The following PTCH2 variants were observed in gnomAD, a reference collection of about 807,000 sequenced individuals.
PTCH2 encodes the protein patched 2.
In PTCH2, 96 loss-of-function variants were observed where a neutral mutation model predicts 117.9. That is an observed-to-expected ratio of 0.81 (90% CI 0.69 to 0.96). The LOEUF is 0.96. Among genes scored for constraint, PTCH2 ranks in the 50% least tolerant of loss-of-function variants. PTCH2 has a pLI of 0.00. For synonymous variants in PTCH2, 615 were observed against 660.9 expected, an observed-to-expected ratio of 0.93 and a Z score of 1.06; for missense variants, 1,379 against 1,562.5, an observed-to-expected ratio of 0.88 and a Z score of 1.98.
At chr1:44,841,699 C>T in intron 2 of PTCH2, 148 bp downstream of exon 2, 4 of 773,112 alleles carry the variant, frequency 5.2e-6, no homozygotes, top group South Asian at 1.5e-5. Context: ...GAACGGTGTT[C>T]CTAGATGCCC....
chr1:44,837,426 G>T (rs943472062), intron 2 of PTCH2, among the ~76,000 whole-genome samples: 1 of 152,074 alleles, frequency 6.6e-6, no homozygotes, highest in Non-Finnish European at 1.5e-5. Flanking sequence ...GCCAAATTTT[G>T]TATTTTTAGT....
At chr1:44,839,361 C>CAAAAAAAAAAAAAAAAAAAA (rs57053705) in intron 2 of PTCH2, among the ~76,000 whole-genome samples, 1 of 75,634 alleles carries the variant, frequency 1.3e-5, no homozygotes, top group Non-Finnish European at 2.6e-5. Context: ...GACTTACTCT[C>CAAAAAAAAAAAAAAAAAAAA]AAAAAAAAAA....
At position 44,827,038 on chromosome 1, in the gene PTCH2, G is replaced by A. The variant is rs148265788; in HGVS notation, c.2559C>T (p.Pro853=). 297 of 1,614,110 alleles carry A rather than the reference G, an allele frequency of 1.8e-4. No homozygotes were observed. Among genetic ancestry groups the A allele is most frequent in the African/African-American group, 5.1e-4 (38 of 75,048 alleles). The change falls in exon 17 of 22, where the codon CCC becomes CCT. Residue 853 remains proline, a synonymous_variant. Transcript: ENST00000372192. ...KLVDREGLIP[P]ELFYMGLTVW... is the part of the protein sequence containing the mutation. Reference sequence around the variant, plus strand: ...CGGTCAGCCCCATGTAGAAGAGCTCGGGTGGAATCAGTCCCTCTCTGTCCA... The same window carrying A: ...CGGTCAGCCCCATGTAGAAGAGCTCAGGTGGAATCAGTCCCTCTCTGTCCA...
At chr1:44,832,500 C>T (rs772048960) in intron 2 of PTCH2, among the ~76,000 whole-genome samples, 159 bp from the exon 3 acceptor site, 34 of 152,198 alleles carry the variant, frequency 2.2e-4, no homozygotes, top group Non-Finnish European at 3.7e-4. Flanking sequence ...TGGCCCAGGC[C>T]GACTCCCCAG....
Position 44,842,135 on chromosome 1 carries a change from T to G in PTCH2, c.73-96A>C. The G allele has an allele frequency of 2.4e-6, 3 of 1,247,388 alleles. No homozygotes were observed. In the Admixed American group the frequency reaches 5.5e-5, roughly 23 times the overall value. The allele number at this position is 1,247,388 out of a possible 1,614,324, so 77.3% of individuals were successfully genotyped here. ...GTATATCTGCTGCCCAGCCCTCGCT[T>G]CTTGATTTCTGGATGTGGGACAGGG... On this transcript the variant is annotated intron_variant, in intron 1 of 21. Coordinates refer to ENST00000372192, the MANE Select transcript of PTCH2 (RefSeq NM_003738.5).
At chr1:44,841,002 C>T (rs1195064895) in intron 2 of PTCH2, among the ~76,000 whole-genome samples, 4 of 151,768 alleles carry the variant, frequency 2.6e-5, no homozygotes, top group Admixed American at 1.3e-4. Context: ...TCTAGGCTGT[C>T]TCTACTAAAA....
intron 2 of PTCH2, among the ~76,000 whole-genome samples, chr1:44,835,639 T>C (rs568014823): frequency 1.3e-5 from 2 of 152,328 alleles, no homozygotes; most frequent in African/African-American, 2.4e-5. Flanking sequence ...TAAAGGCCTA[T>C]ATACTATTGT....
Position 44,841,596 on chromosome 1 carries a change from TAA to T in PTCH2, c.265+249_265+250del, listed in dbSNP as rs1653949808. 2.6e-5 allele frequency among the ~76,000 whole-genome samples: 4 copies of T among 152,354 alleles called. No individual in the cohort carries two copies. The South Asian group carries it at 8.3e-4, about 32-fold the overall frequency. On this transcript the variant is annotated intron_variant, in intron 2 of 21. Coordinates refer to ENST00000372192, the MANE Select transcript of PTCH2 (RefSeq NM_003738.5). ...AAAGACACACATAGAAAGTTAGCAA[TAA>T]ATGCTAACGTACAAAATCACAGACA...
Position 44,826,292 on chromosome 1 carries a change from G to A in PTCH2, c.3072C>T (p.Ala1024=). 3.1e-6 allele frequency: 5 copies of A among 1,614,102 alleles called. No individual in the cohort carries two copies. Among genetic ancestry groups the A allele is most frequent in the Non-Finnish European group, 4.2e-6 (5 of 1,180,034 alleles). ...LSAIPVVILV[A]SVGIGVEFTV... is the part of the protein sequence containing the mutation. ...TGAACTCAACGCCAATGCCTACAGA[G>A]GCCACAAGGATCACCACGGGGATGG... Residue 1024 remains alanine, a synonymous_variant, in exon 19 of 22, where the codon GCC becomes GCT. Transcript: ENST00000372192. This position sits in a 1 kb window ranked among gnomAD's most constrained non-coding sequence, Gnocchi z 5.1.
At chr1:44,830,812 A>G (rs1306713636) in intron 6 of PTCH2, 36 bp downstream of exon 6, 2 of 1,507,248 alleles carry the variant, frequency 1.3e-6, no homozygotes, top group Non-Finnish European at 1.8e-6. Context: ...AGGGAAGGAA[A>G]ACAGCCTTTC....
chr1:44,834,455 C>G (rs988182606), intron 2 of PTCH2, among the ~76,000 whole-genome samples: 1 of 152,138 alleles, frequency 6.6e-6, no homozygotes, highest in African/African-American at 2.4e-5. Flanking sequence ...ACTCCCCACT[C>G]TTTTGCCAGG....
Position 44,831,699 on chromosome 1 carries a change from C to T in PTCH2, c.617+7G>A. 1.3e-6 allele frequency: 2 copies of T among 1,554,404 alleles called. No homozygotes were observed. The highest frequency in any genetic ancestry group is 3.3e-4 in the Middle Eastern group (2 of 5,996). On this transcript the variant is annotated splice_region_variant and intron_variant, in intron 5 of 21. Coordinates refer to ENST00000372192, the MANE Select transcript of PTCH2 (RefSeq NM_003738.5). The surrounding 1 kb of genome is among the most constrained non-coding windows in gnomAD (Gnocchi z 4.3). ...AGATGAAGCAGGGCCCCAGGAGTGG[C>T]ACTCACGGCAGGTAGGCGGAGCCCC...
Position 44,822,184 on chromosome 1 carries a change from G to A in PTCH2, c.*231C>T. On this transcript the variant is annotated 3_prime_UTR_variant, in exon 22 of 22. Transcript: ENST00000372192. The stretch of plus-strand genomic sequence containing the variant: ...GGACAGGGCTGCACTGCAGCCCCAA[G>A]TGCCAGCTTTCACTCTCAAGTGACA... 7.0e-7 allele frequency: 1 copy of A among 1,435,580 alleles called. No individual in the cohort carries two copies. The highest frequency in any genetic ancestry group is 9.1e-7 in the Non-Finnish European group (1 of 1,100,328). The allele number at this position is 1,435,580 out of a possible 1,614,324, so 88.9% of individuals were successfully genotyped here.
chr1:44,820,666 G>A (rs1231891204), downstream of PTCH2: 1 of 716,812 alleles, frequency 1.4e-6, no homozygotes, highest in Non-Finnish European at 2.6e-6. Context: ...CTGATGAGGG[G>A]GTGCTGGGGT....
At chr1:44,828,223 G>C in intron 13 of PTCH2, 32 bp from the exon 14 acceptor site, 11 of 1,612,986 alleles carry the variant, frequency 6.8e-6, no homozygotes, top group Non-Finnish European at 8.5e-6. Context: ...TGACAGGTCT[G>C]TGCCTTGAAA....
At position 44,822,380 on chromosome 1, in the gene PTCH2, G is replaced by A. The variant is rs200055458; in HGVS notation, c.*35C>T. The A allele has an allele frequency of 7.8e-5, 126 of 1,612,694 alleles. No homozygotes were observed. In the Admixed American group the frequency reaches 1.8e-3, roughly 23 times the overall value. ...CCAGTGCTTCCCAGTGACCCCACAC[G>A]CCCCACACATGGTCTCTGTGCTTCA... On this transcript the variant is annotated 3_prime_UTR_variant, in exon 22 of 22. Transcript: ENST00000372192.
chr1:44,824,458 A>G (rs1404137819), intron 19 of PTCH2, among the ~76,000 whole-genome samples: 1 of 150,584 alleles, frequency 6.6e-6, no homozygotes, highest in Non-Finnish European at 1.5e-5. Context: ...ATCTTTGTAG[A>G]ACCCCTCCAT....
In PTCH2 at chr1:44,831,426, C is replaced by T. The variant is rs1653441708; in HGVS notation, c.617+280G>A. On this transcript the variant is annotated intron_variant, in intron 5 of 21. Transcript: ENST00000372192. The surrounding 1 kb of genome is among the most constrained non-coding windows in gnomAD (Gnocchi z 4.3). Reference sequence around the variant, plus strand: ...CTTAGCAAACACCTAGGTAATTTCCCCCAGCAAAGCCTCTTTGTGGGGATC... The same window carrying T: ...CTTAGCAAACACCTAGGTAATTTCCTCCAGCAAAGCCTCTTTGTGGGGATC... 2.6e-5 allele frequency among the ~76,000 whole-genome samples: 4 copies of T among 152,188 alleles called. No individual in the cohort carries two copies. The South Asian group carries it at 8.3e-4, about 32-fold the overall frequency.
In PTCH2 at chr1:44,822,664, T is replaced by C. The variant is rs11573598; in HGVS notation, c.3363A>G (p.Ile1121Met). The C allele has an allele frequency of 3.0e-4, 482 of 1,613,800 alleles. No individual in the cohort carries two copies. In the African/African-American group the frequency reaches 5.6e-3, roughly 19 times the overall value. The change falls in exon 22 of 22, where the codon ATA (isoleucine) becomes ATG (methionine). Residue 1121 changes from isoleucine (I) to methionine (M), a missense_variant. Transcript: ENST00000372192. Reference protein sequence around the residue: ...LSILGPPPEVIQMYKESPEIL... With the variant: ...LSILGPPPEVMQMYKESPEIL... ...TCTCTGGGCTTTCCTTGTACATCTG[T>C]ATCACCTGTGGGGAGACACCAGCCC...
Sources: allele counts gnomAD v4.1 joint callset (sites outside exome capture counted in the v4.1 genomes callset), GRCh38; gene constraint gnomAD v4.1.1; non-coding constraint Gnocchi (gnomAD v3.1); transcripts MANE v1.5; gene names NCBI Gene and HGNC (gene_info 2026-07-23, HGNC 2026-07-21).